Variants in KANSL1L observed in about 807,000 individuals in gnomAD.
KANSL1L encodes the protein KAT8 regulatory NSL complex subunit 1 like.
A neutral mutation model predicts 108.6 loss-of-function variants in KANSL1L; 25 were observed. That is an observed-to-expected ratio of 0.23 (90% confidence interval 0.17 to 0.32). The LOEUF (loss-of-function observed/expected upper bound fraction) is 0.32, where lower values mean the gene tolerates loss of function less well. Among genes scored for constraint, KANSL1L ranks in the 10% least tolerant of loss-of-function variants. The pLI is 1.00. For synonymous variants in KANSL1L, 405 were observed against 395.1 expected, an observed-to-expected ratio of 1.03 and a Z score of -0.30; for missense variants, 1,137 against 1,125.7, an observed-to-expected ratio of 1.01 and a Z score of -0.14.
intron 8 of KANSL1L, among the ~76,000 whole-genome samples, chr2:210,039,125 A>G (rs2094138575): frequency 6.6e-6 from 1 of 152,026 alleles, no homozygotes; most frequent in Middle Eastern, 3.4e-3. Context: ...TAAAAATGTA[A>G]TTGGCTATTC....
At chr2:210,120,054 A>G (rs1177072160) in intron 3 of KANSL1L, among the ~76,000 whole-genome samples, 2 of 152,170 alleles carry the variant, frequency 1.3e-5, no homozygotes, top group African/African-American at 4.8e-5. Flanking sequence ...ATCTTCAACA[A>G]ACCTGAAAGA....
In KANSL1L at chr2:210,104,188, C is replaced by T. The variant is rs772404875; in HGVS notation, c.1344G>A (p.Gln448=). 6.2e-7 allele frequency: 1 copy of T among 1,613,904 alleles called. No homozygotes were observed. The highest frequency in any genetic ancestry group is 1.1e-5 in the South Asian group (1 of 91,078). The change falls in exon 4 of 15, where the codon CAG becomes CAA. Residue 448 remains glutamine (Q), a synonymous_variant. Coordinates refer to ENST00000281772, the MANE Select transcript of KANSL1L (RefSeq NM_152519.4). The part of the protein sequence containing the change: ...LNILGNPQVP[Q]ECQDPVPEQD... ...GTTCCGGTACAGGATCTTGACACTC[C>T]TGGGGAACCTGAGGATTCCCTAGAA...
chr2:210,105,469 G>A (rs1005292394), intron 3 of KANSL1L, among the ~76,000 whole-genome samples: 2 of 149,876 alleles, frequency 1.3e-5, no homozygotes, highest in Non-Finnish European at 3.0e-5. Flanking sequence ...CTATATTATT[G>A]TAATAAAAAA....
intron 3 of KANSL1L, among the ~76,000 whole-genome samples, chr2:210,107,510 C>CAAAAAAAAAAAA (rs142353453): frequency 8.1e-6 from 1 of 122,940 alleles, no homozygotes; most frequent in African/African-American, 2.9e-5. Flanking sequence ...TTCTTCTCCT[C>CAAAAAAAAAAAA]AAAAAAAAAA....
At chr2:210,068,426 C>T (rs2094483347) in intron 6 of KANSL1L, among the ~76,000 whole-genome samples, 1 of 152,042 alleles carries the variant, frequency 6.6e-6, no homozygotes, top group Non-Finnish European at 1.5e-5. Flanking sequence ...TGTCTTAATG[C>T]TGTCTTTGAT....
intron 13 of KANSL1L, 138 bp from the exon 14 acceptor site, chr2:210,024,339 C>T (rs1301566668): frequency 3.8e-6 from 2 of 520,516 alleles, no homozygotes; most frequent in Admixed American, 4.1e-5. Flanking sequence ...TAAAAATTCC[C>T]CTGGTGCTAT....
At chr2:210,138,828 G>A (rs1290089215) in intron 2 of KANSL1L, among the ~76,000 whole-genome samples, 1 of 152,118 alleles carries the variant, frequency 6.6e-6, no homozygotes, top group African/African-American at 2.4e-5. Context: ...GCCAGGTGCA[G>A]TGGCTCACAC....
intron 5 of KANSL1L, among the ~76,000 whole-genome samples, chr2:210,083,931 C>G (rs1346492720): frequency 6.6e-6 from 1 of 151,608 alleles, no homozygotes; most frequent in African/African-American, 2.4e-5. Context: ...ATACCTCTCT[C>G]AAATGATCAA....
Position 210,079,652 on chromosome 2 carries a change from A to ATATATGTGTG in KANSL1L, c.1551-3897_1551-3896insCACACATATA, listed in dbSNP as rs1559539758. Among the ~76,000 whole-genome samples the ATATATGTGTG allele has an allele frequency of 9.4e-4, 19 of 20,172 alleles. 2 individuals are homozygous for ATATATGTGTG. Among genetic ancestry groups the ATATATGTGTG allele is most frequent in the Non-Finnish European group, 1.1e-3 (12 of 10,518 alleles). The allele number at this position is 20,172 out of a possible 152,430, so 13.2% of individuals were successfully genotyped here. On this transcript the variant is annotated intron_variant, in intron 5 of 14. Coordinates refer to ENST00000281772, the MANE Select transcript of KANSL1L (RefSeq NM_152519.4). The stretch of plus-strand genomic sequence containing the variant: ...TATATATATATATATATATATATAT[A>ATATATGTGTG]TATATATATATATGTATGTGTGTAT...
intron 8 of KANSL1L, among the ~76,000 whole-genome samples, chr2:210,037,191 A>G (rs1170761105): frequency 1.3e-5 from 2 of 152,208 alleles, no homozygotes; most frequent in Non-Finnish European, 2.9e-5. Flanking sequence ...TATTTCAAGT[A>G]TGAAATCATA....
chr2:210,029,209 G>A (rs2093981033), intron 10 of KANSL1L: 1 of 359,528 alleles, frequency 2.8e-6, no homozygotes, highest in Non-Finnish European at 4.9e-6. Context: ...AAGCATACAA[G>A]CTTATTTTTA....
intron 6 of KANSL1L, among the ~76,000 whole-genome samples, chr2:210,061,056 C>A (rs2094414621): frequency 6.6e-6 from 1 of 152,218 alleles, no homozygotes; most frequent in Non-Finnish European, 1.5e-5. Context: ...CCAACCATTT[C>A]TACTTTTATT....
intron 6 of KANSL1L, among the ~76,000 whole-genome samples, chr2:210,060,945 T>G (rs1054041017): frequency 6.6e-6 from 1 of 152,212 alleles, no homozygotes; most frequent in African/African-American, 2.4e-5. Context: ...CAACTATTAA[T>G]AGAGAAGAAG....
chr2:210,056,051 C>T (rs890956029), intron 6 of KANSL1L, among the ~76,000 whole-genome samples: 1 of 152,212 alleles, frequency 6.6e-6, no homozygotes, highest in African/African-American at 2.4e-5. Context: ...CGCCCAGGAC[C>T]CCCCTGCTCT....
intron 2 of KANSL1L, among the ~76,000 whole-genome samples, chr2:210,150,154 T>C (rs752135197): frequency 1.3e-5 from 2 of 152,100 alleles, no homozygotes; most frequent in Non-Finnish European, 2.9e-5. Context: ...AGATACATTA[T>C]TTTCTTAAAA....
At chr2:210,054,724 G>A (rs1319905596) in intron 6 of KANSL1L, among the ~76,000 whole-genome samples, 4 of 148,682 alleles carry the variant, frequency 2.7e-5, no homozygotes, top group Non-Finnish European at 5.9e-5. Context: ...ACAGCAATTA[G>A]GCAAGAAAAA....
intron 5 of KANSL1L, among the ~76,000 whole-genome samples, chr2:210,085,344 C>T (rs2094627292): frequency 6.6e-6 from 1 of 152,102 alleles, no homozygotes; most frequent in South Asian, 2.1e-4. Flanking sequence ...CTGAAGTTTT[C>T]CACAATAAGA....
In KANSL1L at chr2:210,112,208, C is replaced by T. The variant is rs182676409; in HGVS notation, c.1231-7907G>A. 3.0e-4 allele frequency among the ~76,000 whole-genome samples: 46 copies of T among 152,214 alleles called. 1 individual carries two copies. Among genetic ancestry groups the T allele is most frequent in the Non-Finnish European group, 3.2e-4 (22 of 68,022 alleles). On this transcript the variant is annotated intron_variant, in intron 3 of 14. Coordinates refer to ENST00000281772, the MANE Select transcript of KANSL1L (RefSeq NM_152519.4). The stretch of plus-strand genomic sequence containing the variant: ...GCTATAAACATACATGTACATGTGT[C>T]TTCATAGCAGCAACCTAACAAAAAC...
rs199531929 is a variant in KANSL1L, at chr2:210,024,020, A to G, written c.2733+13T>C. 5 of 1,528,052 alleles carry G rather than the reference A, an allele frequency of 3.3e-6. No homozygotes were observed. In the African/African-American group the frequency reaches 7.0e-5, roughly 21 times the overall value. 94.7% of individuals were successfully genotyped at this position (1,528,052 alleles called of 1,614,324 possible). A position where few individuals can be genotyped will look rare whatever the true frequency, so the allele number is the denominator to read the frequency against. On this transcript the variant is annotated intron_variant, in intron 14 of 14. Transcript: ENST00000281772. The stretch of plus-strand genomic sequence containing the variant: ...CAAGGAATGGGAAGTTTAATCATAC[A>G]TATTACACTTACCTTGGTTTCTTGA...
Sources: gnomAD v4.1 joint callset for allele counts (sites outside exome capture counted in the v4.1 genomes callset) on GRCh38, gnomAD v4.1.1 for gene constraint, MANE v1.5 for transcripts, NCBI Gene and HGNC (gene_info 2026-07-23, HGNC 2026-07-21) for gene names.